The following PTPRH variants were observed in gnomAD, a reference collection of about 807,000 sequenced individuals.
The protein encoded by PTPRH is receptor-type tyrosine-protein phosphatase H.
PTPRH carries 113 observed loss-of-function variants against 130.2 expected under a neutral mutation model. That is an observed-to-expected ratio of 0.87 (90% confidence interval 0.75 to 1.01). The LOEUF (loss-of-function observed/expected upper bound fraction) is 1.01, where lower values mean the gene tolerates loss of function less well. Ranked by LOEUF, PTPRH falls within the 50% of genes least tolerant of loss-of-function variation. PTPRH has a pLI of 0.00. For missense variants in PTPRH, 1,430 were observed against 1,425.0 expected (o/e 1.00, Z -0.06); for synonymous variants, 556 against 577.9 (o/e 0.96, Z 0.54).
In PTPRH at chr19:55,191,539, C is replaced by T. The variant is rs201273060; in HGVS notation, c.2346G>A (p.Lys782=). ...LIFFLKRRNK[K]KQQKPELRDL... is the part of the protein sequence containing the mutation. Reference sequence around the variant, plus strand: ...CCCTGAGTTCTGGTTTCTGCTGCTTCTTCTTATTCCTGGGAAAAGGACGTT... The same window carrying T: ...CCCTGAGTTCTGGTTTCTGCTGCTTTTTCTTATTCCTGGGAAAAGGACGTT... Residue 782 remains lysine, a synonymous_variant, in exon 12 of 20, where the codon AAG becomes AAA. Transcript: ENST00000376350. 1 of 1,614,204 alleles carries T rather than the reference C, an allele frequency of 6.2e-7. No homozygotes were observed. The highest frequency in any genetic ancestry group is 2.2e-5 in the East Asian group (1 of 44,888).
At chr19:55,197,002 C>T in intron 9 of PTPRH, 115 bp downstream of exon 9, 1 of 1,358,664 alleles carries the variant, frequency 7.4e-7, no homozygotes, top group South Asian at 1.4e-5. Flanking sequence ...ATCACTGCAG[C>T]TCATGAAGTC....
At position 55,191,657 on chromosome 19, in the gene PTPRH, T is replaced by C. The variant is rs773245618; in HGVS notation, c.2336+6A>G. The C allele has an allele frequency of 2.9e-5, 47 of 1,613,616 alleles. No individual in the cohort carries two copies. The highest frequency in any genetic ancestry group is 2.8e-4 in the Admixed American group (17 of 59,980). ...TCCAGGCGGTCAGCCCTGTGCTGAG[T>C]CTCACCTCCTCTTCAGGAAGAAAAT... On this transcript the variant is annotated splice_donor_region_variant and intron_variant, in intron 11 of 19. Coordinates refer to ENST00000376350, the MANE Select transcript of PTPRH (RefSeq NM_002842.5).
At position 55,181,859 on chromosome 19, in the gene PTPRH, T is replaced by A. The variant is rs1436459762; in HGVS notation, c.3243A>T (p.Gln1081His). Residue 1081 changes from glutamine to histidine, a missense_variant, in exon 20 of 20, where the codon CAA becomes CAT. Physicochemically the swap from Gln to His is conservative, Grantham distance 24. Coordinates refer to ENST00000376350, the MANE Select transcript of PTPRH (RefSeq NM_002842.5). ...FLHQCILRFLQQSAQAPAEKE... is the reference protein window; with the variant it reads ...FLHQCILRFLHQSAQAPAEKE... ...TCTCGGCTGGGGCCTGGGCTGACTG[T>A]TGGAGGAACCGCAGGATGCACTGAT... 6.2e-7 allele frequency: 1 copy of A among 1,614,116 alleles called. No individual in the cohort carries two copies. The highest frequency in any genetic ancestry group is 8.5e-7 in the Non-Finnish European group (1 of 1,180,006).
intron 12 of PTPRH, among the ~76,000 whole-genome samples, chr19:55,188,899 C>T (rs967376611): frequency 5.9e-5 from 9 of 152,230 alleles, no homozygotes; most frequent in Non-Finnish European, 4.4e-5. Flanking sequence ...GGTAACTGTT[C>T]CCCAGTGTCC....
rs1841173443 is a variant in PTPRH at position 55,187,599 on chromosome 19, A to G, written c.2480T>C (p.Leu827Pro). 6.2e-7 allele frequency: 1 copy of G among 1,610,868 alleles called. No homozygotes were observed. Among genetic ancestry groups the G allele is most frequent in the Admixed American group, 1.7e-5 (1 of 59,888 alleles). Reference sequence around the variant, plus strand: ...AGACTGGCTGTGGCCCACCAGGGAGAGTTGCTGGGGATGCAGGGAGAGGGG... The same window carrying G: ...AGACTGGCTGTGGCCCACCAGGGAGGGTTGCTGGGGATGCAGGGAGAGGGG... ...NCGFADEYQQLSLVGHSQSQM... is the reference protein window; with the variant it reads ...NCGFADEYQQPSLVGHSQSQM... The change falls in exon 14 of 20, where the codon CTC (leucine) becomes CCC (proline). Residue 827 changes from leucine to proline, a missense_variant. Transcript: ENST00000376350.
In PTPRH at chr19:55,196,665, C is replaced by G; in HGVS notation, c.2114G>C (p.Gly705Ala). The G allele has an allele frequency of 6.2e-7, 1 of 1,614,074 alleles. No individual in the cohort carries two copies. The highest frequency in any genetic ancestry group is 1.3e-5 in the African/African-American group (1 of 75,020). ...CCCACATGAAGATCTGTCCTGGGAG[C>G]CCCGCTGTCCTCCCACCTCCAACTC... The part of the protein sequence containing the change: ...AFELEVGGQR[G>A]SQDRSSCGEA... Residue 705 changes from glycine (G) to alanine (A), a missense_variant, in exon 10 of 20, where the codon GGC becomes GCC. Physicochemically the swap from Gly to Ala is moderately conservative, Grantham distance 60. Coordinates refer to ENST00000376350, the MANE Select transcript of PTPRH (RefSeq NM_002842.5).
intron 3 of PTPRH, 120 bp downstream of exon 3, chr19:55,206,569 G>A (rs555193904): frequency 1.5e-5 from 16 of 1,039,086 alleles, no homozygotes; most frequent in African/African-American, 6.5e-5. Context: ...AAATTCTCAC[G>A]TGTGGCTTCC....
rs1763797055 is a variant in PTPRH at position 55,196,577 on chromosome 19, G to T, written c.2202C>A (p.Ile734=). 2 of 1,613,826 alleles carry T rather than the reference G, an allele frequency of 1.2e-6. No individual in the cohort carries two copies. Among genetic ancestry groups the T allele is most frequent in the Non-Finnish European group, 1.7e-6 (2 of 1,180,002 alleles). Residue 734 remains isoleucine (I), a synonymous_variant, in exon 10 of 20, where the codon ATC becomes ATA. Transcript: ENST00000376350. ...GAGACACGACCTTCATTCCGTCCCA[G>T]ATGGTCGTGATGGTGGCTGGGTAGG... ...ARSYPATITT[I]WDGMKVVSHS... is the part of the protein sequence containing the mutation.
At chr19:55,193,244 AAAAG>A (rs1012356743) in intron 10 of PTPRH, among the ~76,000 whole-genome samples, 1 of 151,726 alleles carries the variant, frequency 6.6e-6, no homozygotes, top group African/African-American at 2.4e-5. Flanking sequence ...AAAAAAAAGA[AAAAG>A]AAAGCAAAAC....
At chr19:55,187,858 G>T (rs1188899812) in intron 13 of PTPRH, among the ~76,000 whole-genome samples, 3 of 152,026 alleles carry the variant, frequency 2.0e-5, no homozygotes, top group African/African-American at 7.2e-5. Context: ...GGACTCACTG[G>T]GTGGGGGCAG....
rs377084619 is a variant in PTPRH, at chr19:55,191,760, G to C, written c.2258-19C>G. 2 of 1,603,360 alleles carry C rather than the reference G, an allele frequency of 1.2e-6. No homozygotes were observed. Among genetic ancestry groups the C allele is most frequent in the Middle Eastern group, 1.6e-4 (1 of 6,068 alleles). Reference sequence around the variant, plus strand: ...ATGACCCCTGTGGGGAGGAGGCATCGGGAACCCTCAGAGCGCAGGTCTGAG... The same window carrying C: ...ATGACCCCTGTGGGGAGGAGGCATCCGGAACCCTCAGAGCGCAGGTCTGAG... On this transcript the variant is annotated intron_variant, in intron 10 of 19. Transcript: ENST00000376350.
At chr19:55,196,410 G>A in intron 10 of PTPRH, 112 bp downstream of exon 10, 2 of 1,327,430 alleles carry the variant, frequency 1.5e-6, no homozygotes, top group Non-Finnish European at 2.0e-6. Context: ...TAAAAAAGAT[G>A]TTTCAAAGGA....
chr19:55,194,055 C>T (rs377764519), intron 10 of PTPRH: 68 of 753,658 alleles, frequency 9.0e-5, no homozygotes, highest in Admixed American at 2.6e-4. Flanking sequence ...TCTCCATGTT[C>T]GTCAGGCTGG....
At chr19:55,200,586 A>G in intron 6 of PTPRH, 84 bp from the exon 7 acceptor site, 1 of 1,424,418 alleles carries the variant, frequency 7.0e-7, no homozygotes, top group Non-Finnish European at 9.6e-7. Context: ...GCCCTCAACC[A>G]TCTTAGCTCT....
Position 55,205,377 on chromosome 19 carries a change from C to A in PTPRH, c.568G>T (p.Val190Leu), listed in dbSNP as rs1360055702. The change falls in exon 4 of 20, where the codon GTG (valine) becomes TTG (leucine). Residue 190 changes from valine to leucine, a missense_variant. Val to Leu is a conservative substitution (Grantham distance 32). Coordinates refer to ENST00000376350, the MANE Select transcript of PTPRH (RefSeq NM_002842.5). ...GAGCTGTTGATTCCATTCTTTCCCA[C>A]CCACATGGAAAACGCATACAAACAC... ...PGCLYAFSMW[V>L]GKNGINSSRE... 4 of 1,614,102 alleles carry A rather than the reference C, an allele frequency of 2.5e-6. No individual in the cohort carries two copies. The highest frequency in any genetic ancestry group is 3.4e-6 in the Non-Finnish European group (4 of 1,180,052).
intron 12 of PTPRH, chr19:55,189,670 T>G: frequency 2.2e-6 from 1 of 456,070 alleles, no homozygotes; most frequent in South Asian, 1.5e-5. Context: ...TAGCAAAGCT[T>G]TCCTTGAATA....
At position 55,207,106 on chromosome 19, in the gene PTPRH, C is replaced by T. The variant is rs373335003; in HGVS notation, c.85+60G>A. ...ACCCCACGGGGACCCCCCAGAGGCT[C>T]ACGGCAGTTGCGGTCCCACCTCTTC... On this transcript the variant is annotated intron_variant, in intron 2 of 19. Coordinates refer to ENST00000376350, the MANE Select transcript of PTPRH (RefSeq NM_002842.5). The T allele has an allele frequency of 3.9e-3, 6,214 of 1,606,386 alleles. 17 individuals are homozygous for T. The highest frequency in any genetic ancestry group is 4.9e-3 in the Non-Finnish European group (5,730 of 1,175,292).
chr19:55,185,427 G>A (rs2086290118), intron 18 of PTPRH, 75 bp downstream of exon 18: 1 of 1,526,460 alleles, frequency 6.6e-7, no homozygotes, highest in African/African-American at 1.4e-5. Context: ...CGTTCCCAGG[G>A]TCCCGTCTAA....
rs1398139813 is a variant in PTPRH at position 55,181,895 on chromosome 19, G to A, written c.3207C>T (p.Tyr1069=). 21 of 1,614,084 alleles carry A rather than the reference G, an allele frequency of 1.3e-5. No individual in the cohort carries two copies. The highest frequency in any genetic ancestry group is 2.2e-5 in the East Asian group (1 of 44,902). The change falls in exon 20 of 20, where the codon TAC becomes TAT. Residue 1069 remains tyrosine, a synonymous_variant. Coordinates refer to ENST00000376350, the MANE Select transcript of PTPRH (RefSeq NM_002842.5). ...RPLMVQTEAQ[Y]VFLHQCILRF... ...GCAGGATGCACTGATGCAGGAATACGTACTGAGCCTGGGAAGCAGGCACGG... is the reference window on the plus strand; with the variant it reads ...GCAGGATGCACTGATGCAGGAATACATACTGAGCCTGGGAAGCAGGCACGG...
Sources: gnomAD v4.1 joint callset for allele counts (sites outside exome capture counted in the v4.1 genomes callset) on GRCh38, gnomAD v4.1.1 for gene constraint, MANE v1.5 for transcripts, NCBI Gene and HGNC (gene_info 2026-07-23, HGNC 2026-07-21) for gene names.